The following GOLGA8B variants were observed in gnomAD, a reference collection of about 807,000 sequenced individuals.
The protein encoded by GOLGA8B is golgin A8 family member B.
GOLGA8B carries 1 observed loss-of-function variant against 15.6 expected under a neutral mutation model. The ratio of observed to expected loss-of-function variants is 0.06; its 90% CI spans 0.02 to 0.30. The LOEUF is 0.30. GOLGA8B is among the 10% of genes least tolerant of loss of function. The pLI is 1.00. For missense variants in GOLGA8B, 17 were observed against 201.3 expected (o/e 0.08, Z 5.54); for synonymous variants, 9 against 80.3 (o/e 0.11, Z 4.75).
chr15:34,567,905 TTA>T (rs149808718), intron 1 of GOLGA8B, among the ~76,000 whole-genome samples: 5,154 of 151,684 alleles, frequency 0.034, 157 homozygotes, highest in African/African-American at 0.12. Flanking sequence ...GAAAAGCCAC[TTA>T]CCCCTTTTTC....
chr15:34,554,283 G>A (rs1888430674), intron 1 of GOLGA8B, among the ~76,000 whole-genome samples: 1 of 152,292 alleles, frequency 6.6e-6, no homozygotes, highest in Non-Finnish European at 1.5e-5. Flanking sequence ...CCCTGGCTGA[G>A]CTGATCACCG....
intron 1 of GOLGA8B, among the ~76,000 whole-genome samples, chr15:34,572,787 G>A (rs1315298047): frequency 6.6e-6 from 1 of 152,192 alleles, no homozygotes; most frequent in Non-Finnish European, 1.5e-5. Context: ...ATCAGAAACA[G>A]ATATTTAAAG....
Position 34,525,827 on chromosome 15 carries a change from G to A in GOLGA8B, c.*1805C>T, listed in dbSNP as rs1299187492. 6.7e-6 allele frequency: 1 copy of A among 149,500 alleles called. No homozygotes were observed. The highest frequency in any genetic ancestry group is 2.0e-4 in the East Asian group (1 of 5,106). The allele number at this position is 149,500 out of a possible 1,614,324, so 9.3% of individuals were successfully genotyped here. A position where few individuals can be genotyped will look rare whatever the true frequency, so the allele number is the denominator to read the frequency against. ...GGCAAAATCGTATTGCTGCTCTCCT[G>A]TTAATCTCCTATTTATAAAAGGATC... On this transcript the variant is annotated 3_prime_UTR_variant, in exon 24 of 24. Transcript: ENST00000683415.
intron 1 of GOLGA8B, chr15:34,574,805 C>T (rs1889022886): frequency 6.6e-6 from 1 of 152,362 alleles, no homozygotes; most frequent in Non-Finnish European, 1.5e-5. Context: ...CCTGCAGCTC[C>T]AAAACATACA....
rs537675412 is a variant in GOLGA8B, at chr15:34,573,320, T to C, written c.-1123+10196A>G. Among the ~76,000 whole-genome samples, 15 of 152,242 alleles carry C rather than the reference T, an allele frequency of 9.9e-5. No individual in the cohort carries two copies. The East Asian group carries it at 2.3e-3, about 24-fold the overall frequency. ...TTGGGAGGCTGAAGCAGGCAGATCA[T>C]GAGATCAGGAGATCAAGACCATCCT... On this transcript the variant is annotated intron_variant, in intron 1 of 23. Transcript: ENST00000683415.
chr15:34,575,122 A>C (rs118073240), intron 1 of GOLGA8B, among the ~76,000 whole-genome samples: 16,364 of 149,636 alleles, frequency 0.11, 1,211 homozygotes, highest in Non-Finnish European at 0.17. Context: ...AAAAAAAAAG[A>C]AGGGTAAAAT....
chr15:34,554,269 C>A (rs1379553159), intron 1 of GOLGA8B, among the ~76,000 whole-genome samples: 1 of 152,284 alleles, frequency 6.6e-6, no homozygotes, highest in African/African-American at 2.4e-5. Flanking sequence ...CACCCTGAGC[C>A]CTGCCCTGGC....
chr15:34,581,280 C>G (rs542669532), intron 1 of GOLGA8B, among the ~76,000 whole-genome samples: 1 of 152,330 alleles, frequency 6.6e-6, no homozygotes, highest in Non-Finnish European at 1.5e-5. Flanking sequence ...GTTCAACCCC[C>G]ACTCTCCCCA....
intron 1 of GOLGA8B, among the ~76,000 whole-genome samples, chr15:34,573,121 AT>A (rs1888965730): frequency 6.6e-6 from 1 of 152,258 alleles, no homozygotes; most frequent in Admixed American, 6.5e-5. Flanking sequence ...TGGCAGATCT[AT>A]TTAATGATTA....
intron 1 of GOLGA8B, among the ~76,000 whole-genome samples, chr15:34,578,307 C>T (rs777293819): frequency 2.0e-5 from 3 of 152,362 alleles, no homozygotes; most frequent in Admixed American, 6.5e-5. Context: ...CTTTCCCCAT[C>T]GCTGTGAAGA....
At chr15:34,579,333 T>C (rs182779841) in intron 1 of GOLGA8B, among the ~76,000 whole-genome samples, 98 of 152,112 alleles carry the variant, frequency 6.4e-4, no homozygotes, top group Non-Finnish European at 1.2e-3. Context: ...CTGAGAGCCC[T>C]GGAACAGAGT....
chr15:34,577,516 A>T (rs1889115774), intron 1 of GOLGA8B, among the ~76,000 whole-genome samples: 1 of 70,640 alleles, frequency 1.4e-5, no homozygotes, highest in Admixed American at 1.2e-4. Flanking sequence ...ATACACACAC[A>T]CACACACACA....
At chr15:34,570,517 G>A (rs1204752873) in intron 1 of GOLGA8B, among the ~76,000 whole-genome samples, 1 of 112,930 alleles carries the variant, frequency 8.9e-6, no homozygotes, top group Non-Finnish European at 1.9e-5. Context: ...CACTGACCAT[G>A]AAGCAGAAAG....
intron 1 of GOLGA8B, among the ~76,000 whole-genome samples, chr15:34,583,112 G>A (rs1889291117): frequency 1.3e-5 from 2 of 152,128 alleles, no homozygotes; most frequent in Non-Finnish European, 2.9e-5. Context: ...GGGACTTGAT[G>A]CCGGCGTCAA....
chr15:34,575,817 A>C (rs1889061455), intron 1 of GOLGA8B, among the ~76,000 whole-genome samples: 1 of 152,202 alleles, frequency 6.6e-6, no homozygotes, highest in African/African-American at 2.4e-5. Flanking sequence ...GCCATTGCAC[A>C]TTCTCCAGCA....
At chr15:34,565,038 C>T (rs1179901962) in intron 1 of GOLGA8B, among the ~76,000 whole-genome samples, 7 of 143,762 alleles carry the variant, frequency 4.9e-5, no homozygotes, top group African/African-American at 1.2e-4. Flanking sequence ...GTGGCAGGGG[C>T]TACGGAGAAG....
At chr15:34,581,466 C>G (rs1460458297) in intron 1 of GOLGA8B, 2 of 152,154 alleles carry the variant, frequency 1.3e-5, no homozygotes, top group Admixed American at 6.5e-5. Flanking sequence ...TTACAATTAC[C>G]TTTTACTTTT....
intron 1 of GOLGA8B, among the ~76,000 whole-genome samples, chr15:34,580,726 C>A (rs916922058): frequency 2.6e-5 from 4 of 152,136 alleles, no homozygotes; most frequent in African/African-American, 4.8e-5. Context: ...CCGGAGAAGC[C>A]TCTCTGTGGG....
At chr15:34,575,761 C>T (rs1467994626) in intron 1 of GOLGA8B, among the ~76,000 whole-genome samples, 1 of 152,146 alleles carries the variant, frequency 6.6e-6, no homozygotes, top group Non-Finnish European at 1.5e-5. Flanking sequence ...CCAGATTGTG[C>T]CTCTCTAGGA....
Sources: allele counts gnomAD v4.1 joint callset (sites outside exome capture counted in the v4.1 genomes callset), GRCh38; gene constraint gnomAD v4.1.1; transcripts MANE v1.5; gene names NCBI Gene and HGNC (gene_info 2026-07-23, HGNC 2026-07-21).